Variants in AFF3 observed in about 807,000 individuals in gnomAD.
The protein encoded by AFF3 is AF4/FMR2 family member 3.
AFF3 carries 32 observed loss-of-function variants against 129.7 expected under a neutral mutation model. The ratio of observed to expected loss-of-function variants is 0.25; its 90% CI spans 0.19 to 0.33. The LOEUF (loss-of-function observed/expected upper bound fraction) is 0.33, where lower values mean the gene tolerates loss of function less well. Ranked by LOEUF, AFF3 falls within the 10% of genes least tolerant of loss-of-function variation. The probability of loss-of-function intolerance (pLI) is 1.00; values close to 1 mark genes in which losing one functional copy is unlikely to be tolerated. For missense variants in AFF3, 1,373 were observed against 1,592.0 expected (o/e 0.86, Z 2.34); for synonymous variants, 644 against 635.4 (o/e 1.01, Z -0.20).
At chr2:99,992,738 T>C (rs929419983) in intron 7 of AFF3, among the ~76,000 whole-genome samples, 4 of 152,196 alleles carry the variant, frequency 2.6e-5, no homozygotes, top group East Asian at 3.9e-4. Flanking sequence ...ATGGAGAAAA[T>C]GATTCCTTCC....
intron 4 of AFF3, among the ~76,000 whole-genome samples, chr2:100,085,479 C>T (rs1469273902): frequency 6.6e-6 from 1 of 150,962 alleles, no homozygotes; most frequent in Non-Finnish European, 1.5e-5. Context: ...CTCCCAAAAT[C>T]CTAGATTCCA....
At chr2:99,906,178 C>T (rs376498549) in intron 7 of AFF3, among the ~76,000 whole-genome samples, 135 of 152,290 alleles carry the variant, frequency 8.9e-4, no homozygotes, top group African/African-American at 3.1e-3. Flanking sequence ...ATGTACCAAA[C>T]CATAACTACC....
chr2:99,764,076 C>T (rs937647879), intron 8 of AFF3, among the ~76,000 whole-genome samples: 5 of 152,156 alleles, frequency 3.3e-5, no homozygotes, highest in South Asian at 2.1e-4. Context: ...CTGACAAGTA[C>T]GAAAGTAGCC....
At chr2:100,059,633 T>C (rs1308066504) in intron 4 of AFF3, among the ~76,000 whole-genome samples, 1 of 152,242 alleles carries the variant, frequency 6.6e-6, no homozygotes, top group Non-Finnish European at 1.5e-5. Flanking sequence ...TATATCTGAA[T>C]ATAGCCAGCG....
At chr2:99,920,518 TA>T (rs1302551802) in intron 7 of AFF3, among the ~76,000 whole-genome samples, 2 of 152,076 alleles carry the variant, frequency 1.3e-5, no homozygotes, top group Non-Finnish European at 2.9e-5. Flanking sequence ...CCATTTATCC[TA>T]AAAACTTTCA....
chr2:99,878,751 T>C (rs1692479427), intron 7 of AFF3, among the ~76,000 whole-genome samples: 1 of 152,156 alleles, frequency 6.6e-6, no homozygotes, highest in Non-Finnish European at 1.5e-5. Flanking sequence ...CAAGTAAAAG[T>C]AAAAGGAGGG....
At chr2:99,991,226 A>C (rs1272833040) in intron 7 of AFF3, among the ~76,000 whole-genome samples, 2 of 152,204 alleles carry the variant, frequency 1.3e-5, no homozygotes, top group Non-Finnish European at 2.9e-5. Flanking sequence ...TCTCTTCTGA[A>C]AATTTCCCTG....
intron 13 of AFF3, among the ~76,000 whole-genome samples, chr2:99,644,017 G>A (rs924813988): frequency 6.6e-6 from 1 of 152,184 alleles, no homozygotes; most frequent in Non-Finnish European, 1.5e-5. Context: ...ACAGCCACAC[G>A]GCTGTTTCTC....
At chr2:99,863,869 G>A (rs1691181873) in intron 7 of AFF3, among the ~76,000 whole-genome samples, 1 of 152,160 alleles carries the variant, frequency 6.6e-6, no homozygotes, top group African/African-American at 2.4e-5. Flanking sequence ...TTTCACAATG[G>A]TGGAGCAAAC....
At position 99,560,454 on chromosome 2, in the gene AFF3, G is replaced by A; in HGVS notation, c.3120-18C>T. ...TAGCATACCTTAGAAAAAGCGGGGAGGAGGAATAGAATAAAAAACATAAAA... is the reference window on the plus strand; with the variant it reads ...TAGCATACCTTAGAAAAAGCGGGGAAGAGGAATAGAATAAAAAACATAAAA... On this transcript the variant is annotated intron_variant, in intron 20 of 24. Coordinates refer to ENST00000672756, the MANE Select transcript of AFF3 (RefSeq NM_001386135.1). 1 of 1,606,824 alleles carries A rather than the reference G, an allele frequency of 6.2e-7. No individual in the cohort carries two copies. Among genetic ancestry groups the A allele is most frequent in the Non-Finnish European group, 8.5e-7 (1 of 1,176,340 alleles).
At chr2:99,972,766 G>A (rs905059704) in intron 7 of AFF3, among the ~76,000 whole-genome samples, 2 of 152,162 alleles carry the variant, frequency 1.3e-5, no homozygotes, top group East Asian at 1.9e-4. Context: ...TAGAGTGGTC[G>A]GGAACTTTAA....
intron 7 of AFF3, among the ~76,000 whole-genome samples, chr2:99,874,125 C>T (rs886797304): frequency 1.3e-5 from 2 of 152,042 alleles, no homozygotes; most frequent in African/African-American, 2.4e-5. Context: ...TACAGTGAGT[C>T]GAGATCGCGC....
At chr2:100,138,805 C>T (rs1050207884) in intron 1 of AFF3, among the ~76,000 whole-genome samples, 5 of 151,798 alleles carry the variant, frequency 3.3e-5, no homozygotes, top group African/African-American at 1.2e-4. Context: ...ATTAGCCAGG[C>T]GTGACGGTGG....
chr2:99,984,673 A>C (rs1679704706), intron 7 of AFF3, among the ~76,000 whole-genome samples: 1 of 152,166 alleles, frequency 6.6e-6, no homozygotes, highest in African/African-American at 2.4e-5. Context: ...TATATGGTCC[A>C]AGTCTGCCCA....
chr2:99,694,344 A>G (rs1276154275), intron 11 of AFF3, among the ~76,000 whole-genome samples: 1 of 152,188 alleles, frequency 6.6e-6, no homozygotes, highest in Non-Finnish European at 1.5e-5. Context: ...GCCAGACAAC[A>G]GGTGTAAAGA....
chr2:99,831,606 C>T (rs571038196), intron 8 of AFF3, among the ~76,000 whole-genome samples: 5 of 87,796 alleles, frequency 5.7e-5, no homozygotes, highest in South Asian at 6.1e-4. Flanking sequence ...ACACTGCAAT[C>T]GAAAACCTCA....
chr2:99,701,815 C>T (rs1346482164), intron 11 of AFF3, among the ~76,000 whole-genome samples: 1 of 152,214 alleles, frequency 6.6e-6, no homozygotes, highest in Non-Finnish European at 1.5e-5. Context: ...CCCTGTATAG[C>T]CACCCCTCAA....
intron 11 of AFF3, among the ~76,000 whole-genome samples, chr2:99,714,512 C>T (rs1678197371): frequency 6.6e-6 from 1 of 152,118 alleles, no homozygotes; most frequent in Non-Finnish European, 1.5e-5. Context: ...TGGCAAATCA[C>T]TTAAACAGAT....
At chr2:99,640,896 C>T (rs1303860609) in intron 13 of AFF3, among the ~76,000 whole-genome samples, 1 of 152,150 alleles carries the variant, frequency 6.6e-6, no homozygotes, top group Non-Finnish European at 1.5e-5. Context: ...TTAAGGTTTC[C>T]GTAGAAGATG....
Sources: gnomAD v4.1 joint callset for allele counts (sites outside exome capture counted in the v4.1 genomes callset) on GRCh38, gnomAD v4.1.1 for gene constraint, MANE v1.5 for transcripts, NCBI Gene and HGNC (gene_info 2026-07-23, HGNC 2026-07-21) for gene names.